SPMIP6: variants seen among roughly 807,000 people sequenced by gnomAD.
SPMIP6 encodes the protein sperm microtubule inner protein 6.
the SPMIP6 span, chr9:34,385,755 A>G: frequency 6.2e-7 from 1 of 1,613,698 alleles, no homozygotes; most frequent in Non-Finnish European, 8.5e-7. Context: ...CGGGATCCAC[A>G]TGTCGCTCCA....
At chr9:34,388,540 T>A in the SPMIP6 span, among the ~76,000 whole-genome samples, 1 of 152,204 alleles carries the variant, frequency 6.6e-6, no homozygotes, top group African/African-American at 2.4e-5. Context: ...GGATTACCAG[T>A]TCCTGAGCCT....
chr9:34,387,927 C>T, the SPMIP6 span, among the ~76,000 whole-genome samples: 2 of 152,110 alleles, frequency 1.3e-5, no homozygotes, highest in African/African-American at 2.4e-5. Context: ...ACTTAGCTGC[C>T]AGTGTTCTGA....
the SPMIP6 span, chr9:34,380,971 CAT>C: frequency 6.2e-7 from 1 of 1,607,836 alleles, no homozygotes; most frequent in African/African-American, 1.3e-5. Flanking sequence ...CGTAGTAGTC[CAT>C]CCCGCGCAGA....
At chr9:34,389,765 ATAT>A in the SPMIP6 span, among the ~76,000 whole-genome samples, 1 of 152,200 alleles carries the variant, frequency 6.6e-6, no homozygotes, top group Non-Finnish European at 1.5e-5. Context: ...AAGTTTTATA[ATAT>A]TATCCATATA....
chr9:34,397,479 C>T, the SPMIP6 span: 2 of 1,613,964 alleles, frequency 1.2e-6, no homozygotes, highest in Admixed American at 1.7e-5. Flanking sequence ...CCTGCCCCTC[C>T]CCACCAATCT....
At chr9:34,387,762 G>A in the SPMIP6 span, among the ~76,000 whole-genome samples, 73 of 152,194 alleles carry the variant, frequency 4.8e-4, no homozygotes, top group Non-Finnish European at 9.6e-4. Context: ...AAGGCTTTGA[G>A]CTGTGTGTAG....
At chr9:34,393,280 C>G in the SPMIP6 span, among the ~76,000 whole-genome samples, 1 of 152,174 alleles carries the variant, frequency 6.6e-6, no homozygotes, top group Admixed American at 6.5e-5. Context: ...TAATTATTTT[C>G]TATAGATAAC....
At chr9:34,391,620 A>G in the SPMIP6 span, among the ~76,000 whole-genome samples, 1 of 152,108 alleles carries the variant, frequency 6.6e-6, no homozygotes, top group Non-Finnish European at 1.5e-5. Flanking sequence ...TTCTTATTTG[A>G]CCCATTATTT....
chr9:34,388,995 A>G, the SPMIP6 span, among the ~76,000 whole-genome samples: 1 of 148,010 alleles, frequency 6.8e-6, no homozygotes, highest in African/African-American at 2.5e-5. Context: ...GCAGTGGCAC[A>G]ATCACAGTTC....
chr9:34,380,428 C>A, the SPMIP6 span, among the ~76,000 whole-genome samples: 1 of 152,186 alleles, frequency 6.6e-6, no homozygotes, highest in Non-Finnish European at 1.5e-5. Context: ...GGAATGACCG[C>A]ACCCACTACC....
the SPMIP6 span, among the ~76,000 whole-genome samples, chr9:34,392,586 A>T: frequency 6.6e-6 from 1 of 152,114 alleles, no homozygotes; most frequent in Admixed American, 6.5e-5. The surrounding 1 kb of genome is among the most constrained non-coding windows in gnomAD (Gnocchi z 4.6). Context: ...GTGATATAGC[A>T]TAAGGGATTT....
At chr9:34,392,801 G>A in the SPMIP6 span, among the ~76,000 whole-genome samples, 7 of 152,288 alleles carry the variant, frequency 4.6e-5, no homozygotes, top group South Asian at 1.5e-3. The surrounding 1 kb of genome is among the most constrained non-coding windows in gnomAD (Gnocchi z 4.6). Flanking sequence ...CTACAACAAT[G>A]ATGATATGGA....
chr9:34,384,123 G>A, the SPMIP6 span, among the ~76,000 whole-genome samples: 1 of 152,208 alleles, frequency 6.6e-6, no homozygotes, highest in Non-Finnish European at 1.5e-5. Flanking sequence ...GTGCAGTGCT[G>A]GGATTTGGAG....
the SPMIP6 span, among the ~76,000 whole-genome samples, chr9:34,386,011 A>G: frequency 6.6e-6 from 1 of 152,094 alleles, no homozygotes; most frequent in South Asian, 2.1e-4. Context: ...CTTGGGGCCG[A>G]GCGGTGGCCT....
the SPMIP6 span, among the ~76,000 whole-genome samples, chr9:34,385,116 C>A: frequency 6.6e-6 from 1 of 151,702 alleles, no homozygotes; most frequent in African/African-American, 2.4e-5. Context: ...TTTCCACCGA[C>A]AAGAACCCCA....
chr9:34,379,675 C>CG, the SPMIP6 span: 1 of 1,614,062 alleles, frequency 6.2e-7, no homozygotes. This position sits in a 1 kb window ranked among gnomAD's most constrained non-coding sequence, Gnocchi z 4.2. Flanking sequence ...AGTATGACGG[C>CG]GGGGGAGTTG....
chr9:34,383,840 C>T, the SPMIP6 span, among the ~76,000 whole-genome samples: 1 of 152,308 alleles, frequency 6.6e-6, no homozygotes, highest in South Asian at 2.1e-4. Flanking sequence ...ATGCTTGGCA[C>T]ATAAAAAACT....
At chr9:34,388,520 GAGA>G in the SPMIP6 span, among the ~76,000 whole-genome samples, 1 of 152,154 alleles carries the variant, frequency 6.6e-6, no homozygotes, top group African/African-American at 2.4e-5. Flanking sequence ...CTCAGTTCCA[GAGA>G]AGACTAGGAT....
At chr9:34,394,806 C>T in the SPMIP6 span, among the ~76,000 whole-genome samples, 1 of 152,082 alleles carries the variant, frequency 6.6e-6, no homozygotes, top group African/African-American at 2.4e-5. Context: ...GTCCTCAGGA[C>T]AATCCTGTCT....
Sources: allele counts gnomAD v4.1 joint callset (sites outside exome capture counted in the v4.1 genomes callset), GRCh38; gene constraint gnomAD v4.1.1; non-coding constraint Gnocchi (gnomAD v3.1); transcripts MANE v1.5; gene names NCBI Gene and HGNC (gene_info 2026-07-23, HGNC 2026-07-21).